ATP6V1E1: variants seen among roughly 807,000 people sequenced by gnomAD.
ATP6V1E1 encodes V-type proton ATPase subunit E 1.
Under a neutral mutation model 35.2 loss-of-function variants are expected in ATP6V1E1, and 21 were observed. The ratio of observed to expected loss-of-function variants is 0.60; its 90% CI spans 0.42 to 0.86. The LOEUF is 0.86. Ranked by LOEUF, ATP6V1E1 falls within the 40% of genes least tolerant of loss-of-function variation. The probability of loss-of-function intolerance (pLI) is 0.00; values close to 1 mark genes in which losing one functional copy is unlikely to be tolerated. For missense variants in ATP6V1E1, 183 were observed against 272.6 expected (o/e 0.67, Z 2.32); for synonymous variants, 83 against 87.8 (o/e 0.95, Z 0.30).
At chr22:17,613,606 C>T (rs375035719) in intron 2 of ATP6V1E1, among the ~76,000 whole-genome samples, 34 of 149,118 alleles carry the variant, frequency 2.3e-4, no homozygotes, top group African/African-American at 8.0e-4. Flanking sequence ...AAAAAAATTA[C>T]CACACGTTCG....
At position 17,624,609 on chromosome 22, in the gene ATP6V1E1, G is replaced by A. The variant is rs184613617; in HGVS notation, c.33+3994C>T. Among the ~76,000 whole-genome samples, 552 of 149,726 alleles carry A rather than the reference G, an allele frequency of 3.7e-3. 3 individuals are homozygous for A. Among genetic ancestry groups the A allele is most frequent in the African/African-American group, 0.012 (492 of 40,658 alleles). ...CTCACGCCTATAATCCCACCACTTC[G>A]GAGGTTCAAGACCAGCCTGGCCAAC... On this transcript the variant is annotated intron_variant, in intron 1 of 8. Coordinates refer to ENST00000253413, the MANE Select transcript of ATP6V1E1 (RefSeq NM_001696.4).
chr22:17,597,432 C>T (rs1336706540), intron 7 of ATP6V1E1, among the ~76,000 whole-genome samples: 2 of 151,904 alleles, frequency 1.3e-5, no homozygotes, highest in African/African-American at 4.9e-5. Context: ...CTGTCATTTC[C>T]TCACAGTCAT....
intron 4 of ATP6V1E1, 130 bp from the exon 5 acceptor site, chr22:17,601,311 T>C (rs2057760737): frequency 4.5e-6 from 3 of 667,518 alleles, no homozygotes; most frequent in East Asian, 5.8e-5. Flanking sequence ...TCAACACACA[T>C]TCCCTGAGAT....
chr22:17,596,981 G>T (rs368636591), intron 7 of ATP6V1E1, among the ~76,000 whole-genome samples: 1 of 151,752 alleles, frequency 6.6e-6, no homozygotes, highest in Non-Finnish European at 1.5e-5. Context: ...GGTGGCTCAC[G>T]CCTGTAATCC....
In ATP6V1E1 at chr22:17,621,229, G is replaced by C. The variant is rs184382693; in HGVS notation, c.34-1703C>G. ...ATCGACTCTACATTGCCACCAGAGA[G>C]ATGCTTTCAAAATGCCTATCTTATC... On this transcript the variant is annotated intron_variant, in intron 1 of 8. Coordinates refer to ENST00000253413, the MANE Select transcript of ATP6V1E1 (RefSeq NM_001696.4). Among the ~76,000 whole-genome samples, 572 of 152,242 alleles carry C rather than the reference G, an allele frequency of 3.8e-3. 4 individuals carry two copies. The highest frequency in any genetic ancestry group is 0.012 in the African/African-American group (513 of 41,542).
intron 2 of ATP6V1E1, among the ~76,000 whole-genome samples, chr22:17,613,690 G>A (rs1048840036): frequency 5.3e-5 from 8 of 152,340 alleles, no homozygotes; most frequent in East Asian, 3.9e-4. Flanking sequence ...GATCCTGGCC[G>A]GGTGCGGTGG....
At chr22:17,599,168 G>A (rs763818871) in intron 6 of ATP6V1E1, among the ~76,000 whole-genome samples, 111 of 152,028 alleles carry the variant, frequency 7.3e-4, no homozygotes, top group African/African-American at 2.5e-3. Context: ...GTTTCAGTAC[G>A]GGAAAATGGA....
chr22:17,610,885 C>T (rs188461179), intron 4 of ATP6V1E1, among the ~76,000 whole-genome samples: 3 of 152,250 alleles, frequency 2.0e-5, no homozygotes, highest in African/African-American at 4.8e-5. Context: ...TTTTTAAACA[C>T]GATATGACAA....
At chr22:17,608,992 C>G (rs1055207968) in intron 4 of ATP6V1E1, among the ~76,000 whole-genome samples, 1 of 151,802 alleles carries the variant, frequency 6.6e-6, no homozygotes, top group Admixed American at 6.6e-5. Flanking sequence ...GAGGCTGAGG[C>G]AGGAGACTGG....
intron 4 of ATP6V1E1, among the ~76,000 whole-genome samples, chr22:17,610,747 A>G (rs571070612): frequency 7.2e-5 from 11 of 152,344 alleles, no homozygotes; most frequent in Non-Finnish European, 1.3e-4. Context: ...AAAAGACTAT[A>G]GTCAAGAGGC....
chr22:17,613,764 G>A (rs1033171890), intron 2 of ATP6V1E1, among the ~76,000 whole-genome samples: 16 of 151,362 alleles, frequency 1.1e-4, no homozygotes, highest in South Asian at 2.1e-4. Context: ...TCAGGAGATC[G>A]AGATCATCCT....
intron 4 of ATP6V1E1, 117 bp from the exon 5 acceptor site, chr22:17,601,298 C>T: frequency 1.3e-6 from 1 of 747,372 alleles, no homozygotes; most frequent in Non-Finnish European, 2.2e-6. Context: ...GCTGGATTTT[C>T]ATTCAACACA....
intron 3 of ATP6V1E1, 87 bp downstream of exon 3, chr22:17,613,124 C>G: frequency 1.7e-6 from 2 of 1,182,210 alleles, no homozygotes; most frequent in Non-Finnish European, 2.4e-6. Flanking sequence ...GAGTTAAGAC[C>G]TGAATTTATA....
At chr22:17,624,026 T>C (rs1267927555) in intron 1 of ATP6V1E1, among the ~76,000 whole-genome samples, 2 of 152,198 alleles carry the variant, frequency 1.3e-5, no homozygotes, top group Non-Finnish European at 2.9e-5. Flanking sequence ...GGTTTCTTTG[T>C]AAATTTGATG....
chr22:17,592,369 C>A lies in ATP6V1E1; in HGVS notation c.*305G>T. On this transcript the variant is annotated 3_prime_UTR_variant, in exon 9 of 9. Transcript: ENST00000253413. ...CCAAATACATCACCTTTAGGCCAGA[C>A]GGAGAGTGGAGACCCAGGAAGCCCA... The A allele has an allele frequency of 2.6e-6, 1 of 388,802 alleles. No individual in the cohort carries two copies. The highest frequency in any genetic ancestry group is 4.8e-6 in the Non-Finnish European group (1 of 208,708). The allele number at this position is 388,802 out of a possible 1,614,324, so 24.1% of individuals were successfully genotyped here.
chr22:17,625,945 T>C (rs1460178133), intron 1 of ATP6V1E1, among the ~76,000 whole-genome samples: 5 of 151,938 alleles, frequency 3.3e-5, no homozygotes. Flanking sequence ...AACAATTTTT[T>C]CCCATAAACT....
rs771516354 is a variant in ATP6V1E1 at position 17,600,057 on chromosome 22, A to G, written c.405T>C (p.Arg135=). The stretch of plus-strand genomic sequence containing the variant: ...CCAGAGGGAAATCTTGTTTCCTGCA[A>G]CGAACAATCATTCGGGGCTCCAGCA... ...YQLLEPRMIV[R]CRKQDFPLVK... is the part of the protein sequence containing the mutation. The change falls in exon 6 of 9, where the codon CGT becomes CGC. Residue 135 remains arginine, a synonymous_variant. Coordinates refer to ENST00000253413, the MANE Select transcript of ATP6V1E1 (RefSeq NM_001696.4). 5.5e-5 allele frequency: 88 copies of G among 1,613,886 alleles called. No homozygotes were observed. Among genetic ancestry groups the G allele is most frequent in the Non-Finnish European group, 7.5e-5 (88 of 1,179,960 alleles).
At chr22:17,627,991 TTTTTC>T (rs1357870968) in intron 1 of ATP6V1E1, among the ~76,000 whole-genome samples, 1 of 143,876 alleles carries the variant, frequency 7.0e-6, no homozygotes, top group Non-Finnish European at 1.5e-5. Flanking sequence ...TTGTTTTTTT[TTTTTC>T]TTTTTCCAGA....
At chr22:17,605,222 A>G (rs1347189686) in intron 4 of ATP6V1E1, among the ~76,000 whole-genome samples, 1 of 134,328 alleles carries the variant, frequency 7.4e-6, no homozygotes. Context: ...AAAAAAAAAA[A>G]AGAAAAGAAA....
Sources: allele counts gnomAD v4.1 joint callset (sites outside exome capture counted in the v4.1 genomes callset), GRCh38; gene constraint gnomAD v4.1.1; transcripts MANE v1.5; gene names NCBI Gene and HGNC (gene_info 2026-07-23, HGNC 2026-07-21).